TLE5: variants seen among roughly 807,000 people sequenced by gnomAD.
TLE5 encodes the protein TLE family member 5, transcriptional modulator, also known as TLE family member 5.
A neutral mutation model predicts 25.8 loss-of-function variants in TLE5; 7 were observed. The observed-to-expected ratio is 0.27, with a 90% CI of 0.15 to 0.51. The LOEUF (loss-of-function observed/expected upper bound fraction) is 0.51. Among genes scored for constraint, TLE5 ranks in the 20% least tolerant of loss-of-function variants. The pLI, the probability that TLE5 is intolerant of heterozygous loss-of-function variation, is 0.97. For missense variants in TLE5, 149 were observed against 250.7 expected, an observed-to-expected ratio of 0.59 and a Z score of 2.74; for synonymous variants, 132 against 110.5, an observed-to-expected ratio of 1.20 and a Z score of -1.22.
In TLE5 at chr19:3,053,553, T is replaced by A; in HGVS notation, c.*266A>T. 1.8e-6 allele frequency: 1 copy of A among 555,010 alleles called. No homozygotes were observed. The highest frequency in any genetic ancestry group is 3.2e-6 in the Non-Finnish European group (1 of 310,686). 34.4% of individuals were successfully genotyped at this position (555,010 alleles called of 1,614,324 possible). A position where few individuals can be genotyped will look rare whatever the true frequency, so the allele number is the denominator to read the frequency against. On this transcript the variant is annotated 3_prime_UTR_variant, in exon 7 of 7. Transcript: ENST00000327141. ...TGGGACCTGGTCTCCCATCTGACCC[T>A]CCAGGCCTTAGCTTGCCTCACATGT... is the stretch of plus-strand genomic sequence containing the variant.
chr19:3,058,414 G>A (rs1001279377), intron 2 of TLE5, among the ~76,000 whole-genome samples: 25 of 152,128 alleles, frequency 1.6e-4, no homozygotes, highest in African/African-American at 5.8e-4. Context: ...AACCACAGGG[G>A]AAAATTTTCC....
At chr19:3,061,356 C>CT in intron 1 of TLE5, 99 bp from the exon 2 acceptor site, 4 of 869,718 alleles carry the variant, frequency 4.6e-6, no homozygotes, top group Non-Finnish European at 7.5e-6. Flanking sequence ...GGCGCCCCCC[C>CT]TCCTGCCCCA....
upstream of TLE5, chr19:3,062,949 C>T (rs1192342909): frequency 6.1e-6 from 5 of 820,718 alleles, no homozygotes; most frequent in African/African-American, 1.7e-5. Flanking sequence ...CTACTGTGTG[C>T]CAGGCCCCGC....
upstream of TLE5, chr19:3,062,563 CGAGGGGGGGGACGCGCGCGCCCGGG>C: frequency 2.4e-6 from 2 of 824,560 alleles, no homozygotes; most frequent in South Asian, 5.5e-5. Flanking sequence ...TGCGCGCCGC[CGAGGGGGGGGACGCGCGCGCCCGGG>C]GAGGCCTGCG....
intron 3 of TLE5, 100 bp from the exon 4 acceptor site, chr19:3,056,456 G>C (rs1365158291): frequency 1.8e-6 from 1 of 556,344 alleles, no homozygotes; most frequent in Non-Finnish European, 3.3e-6. Context: ...CAGACAAAGG[G>C]GGGAGACAGC....
intron 2 of TLE5, among the ~76,000 whole-genome samples, chr19:3,058,750 C>T (rs1447540808): frequency 6.6e-6 from 1 of 152,188 alleles, no homozygotes; most frequent in Non-Finnish European, 1.5e-5. Flanking sequence ...GAGGGCCTCC[C>T]AGTCCAGGAA....
chr19:3,061,989 A>T, intron 1 of TLE5, among the ~76,000 whole-genome samples, 185 bp downstream of exon 1: 1 of 41,938 alleles, frequency 2.4e-5, no homozygotes, highest in East Asian at 7.4e-4. Context: ...GGCCGGCGGC[A>T]GGAGGGGAGG....
chr19:3,054,058 G>A lies in TLE5; in HGVS notation c.373-18C>T. ...AGCTGCTGCTGCAGGGCGGGGGAGG[G>A]GAACATTAGCTGCCTGGGGCCCACC... On this transcript the variant is annotated intron_variant, in intron 6 of 6. Transcript: ENST00000327141. The A allele has an allele frequency of 1.3e-6, 2 of 1,570,442 alleles. No homozygotes were observed. The highest frequency in any genetic ancestry group is 1.7e-6 in the Non-Finnish European group (2 of 1,159,614).
chr19:3,053,688 C>G lies in TLE5; in HGVS notation c.*131G>C. 1 of 1,076,760 alleles carries G rather than the reference C, an allele frequency of 9.3e-7. No homozygotes were observed. The highest frequency in any genetic ancestry group is 1.6e-5 in the African/African-American group (1 of 62,700). The allele number at this position is 1,076,760 out of a possible 1,614,324, so 66.7% of individuals were successfully genotyped here. On this transcript the variant is annotated 3_prime_UTR_variant, in exon 7 of 7. Coordinates refer to ENST00000327141, the MANE Select transcript of TLE5 (RefSeq NM_001130.6). ...CAAGCTGGGCTGGGGCCCCCGCCGG[C>G]GGCCACCATAAATACTATGGGAGTT...
intron 5 of TLE5, 42 bp from the exon 6 acceptor site, chr19:3,054,236 T>G (rs1170363301): frequency 2.5e-6 from 4 of 1,585,250 alleles, no homozygotes; most frequent in Non-Finnish European, 2.6e-6. Flanking sequence ...TGATTCCTCC[T>G]GATCCTGGGA....
intron 3 of TLE5, among the ~76,000 whole-genome samples, chr19:3,057,218 G>C (rs2090226441): frequency 6.6e-6 from 1 of 152,222 alleles, no homozygotes; most frequent in Non-Finnish European, 1.5e-5. Flanking sequence ...CAGCAGCAAT[G>C]CAGTGTCACA....
chr19:3,057,817 G>C (rs2090233416), intron 2 of TLE5, 75 bp from the exon 3 acceptor site: 1 of 1,404,576 alleles, frequency 7.1e-7, no homozygotes, highest in East Asian at 2.3e-5. Flanking sequence ...GTTATCCAGG[G>C]GAGGAAACTG....
chr19:3,055,494 C>G, intron 5 of TLE5, 170 bp downstream of exon 5: 2 of 468,232 alleles, frequency 4.3e-6, no homozygotes, highest in Admixed American at 4.0e-5. Flanking sequence ...GTCTCTGGCC[C>G]GGGGATTCTT....
upstream of TLE5, chr19:3,062,784 GGCACGACCTGGAC>G (rs2090283803): frequency 1.9e-6 from 3 of 1,549,560 alleles, no homozygotes; most frequent in Non-Finnish European, 1.7e-6. Context: ...GCCCTGCTGT[GGCACGACCTGGAC>G]GCGTGCCACG....
intron 2 of TLE5, among the ~76,000 whole-genome samples, chr19:3,060,320 T>TTTTCTTTC (rs1380169878): frequency 3.6e-5 from 5 of 138,792 alleles, no homozygotes; most frequent in African/African-American, 1.4e-4. Context: ...AAGTTTCTTT[T>TTTTCTTTC]TTTCTTTCTT....
chr19:3,062,399 T>G lies in TLE5; in HGVS notation c.-199A>C. The G allele has an allele frequency of 1.2e-6, 1 of 860,526 alleles. No homozygotes were observed. Among genetic ancestry groups the G allele is most frequent in the South Asian group, 5.3e-5 (1 of 18,896 alleles). 53.3% of individuals were successfully genotyped at this position (860,526 alleles called of 1,614,324 possible). The stretch of plus-strand genomic sequence containing the variant: ...GCCCCGGCGCGCCCCGGGCCCCGCT[T>G]CCTGCGCGCCCGGCGCCCCTCCCCG... On this transcript the variant is annotated 5_prime_UTR_variant, in exon 1 of 7. Transcript: ENST00000327141.
At chr19:3,055,550 G>C (rs1434443882) in intron 5 of TLE5, 114 bp downstream of exon 5, 2 of 876,114 alleles carry the variant, frequency 2.3e-6, no homozygotes. Context: ...GGTCCAGAGA[G>C]GGGAGGCGTG....
intron 2 of TLE5, among the ~76,000 whole-genome samples, chr19:3,060,324 C>CTTTCTTTT (rs2090254642): frequency 8.5e-6 from 1 of 118,078 alleles, no homozygotes; most frequent in African/African-American, 3.6e-5. Context: ...TTCTTTTTTT[C>CTTTCTTTT]TTTCTTTTTT....
chr19:3,061,413 T>G, intron 1 of TLE5, 156 bp from the exon 2 acceptor site: 1 of 471,136 alleles, frequency 2.1e-6, no homozygotes, highest in Non-Finnish European at 3.7e-6. Flanking sequence ...CCACCCGCGC[T>G]TCCTGCCCCC....
Sources: gnomAD v4.1 joint callset for allele counts (sites outside exome capture counted in the v4.1 genomes callset) on GRCh38, gnomAD v4.1.1 for gene constraint, MANE v1.5 for transcripts, NCBI Gene and HGNC (gene_info 2026-07-23, HGNC 2026-07-21) for gene names.